The following TTK variants were observed in gnomAD, a reference collection of about 807,000 sequenced individuals.
TTK encodes the protein TTK protein kinase, also known as dual specificity protein kinase TTK.
A neutral mutation model predicts 117.3 loss-of-function variants in TTK; 59 were observed. That is an observed-to-expected ratio of 0.50 (90% confidence interval 0.41 to 0.62). The LOEUF (loss-of-function observed/expected upper bound fraction) is 0.62. TTK is among the 20% of genes least tolerant of loss of function. TTK has a pLI of 0.00. For missense variants in TTK, 921 were observed against 989.4 expected (o/e 0.93, Z 0.93); for synonymous variants, 302 against 325.0 (o/e 0.93, Z 0.76).
chr6:80,042,178 T>TC lies in TTK; in HGVS notation c.2550_2551insC (p.Glu851ArgfsTer14), dbSNP rs1326541232. 6.2e-7 allele frequency: 1 copy of TC among 1,601,002 alleles called. No individual in the cohort carries two copies. The highest frequency in any genetic ancestry group is 8.5e-7 in the Non-Finnish European group (1 of 1,172,466). ...ATAATTCTTCATCCTCCAAGACTTT[T>TC]GAAAAAAAAAGGGGAAAAAAATGAT... On this transcript the variant is annotated frameshift_variant, in exon 22 of 22. Coordinates refer to ENST00000369798, the MANE Select transcript of TTK (RefSeq NM_003318.5). LOFTEE classifies it high-confidence loss of function.
chr6:80,006,026 A>G, intron 2 of TTK, 44 bp downstream of exon 2: 1 of 1,583,662 alleles, frequency 6.3e-7, no homozygotes, highest in Non-Finnish European at 8.6e-7. Context: ...TTTGTTGGGT[A>G]TCCTCTAAGG....
intron 16 of TTK, among the ~76,000 whole-genome samples, 174 bp from the exon 17 acceptor site, chr6:80,036,301 C>T (rs527327651): frequency 6.6e-6 from 1 of 152,172 alleles, no homozygotes; most frequent in Non-Finnish European, 1.5e-5. Context: ...GAACTTAGAA[C>T]AGTGCCTGGC....
intron 2 of TTK, chr6:80,006,319 C>T (rs1766993770): frequency 7.2e-6 from 2 of 276,182 alleles, no homozygotes; most frequent in African/African-American, 4.5e-5. Context: ...GAATGGTGAC[C>T]TTTGGATAAT....
At chr6:80,015,256 A>G (rs542169917) in intron 10 of TTK, among the ~76,000 whole-genome samples, 2 of 152,332 alleles carry the variant, frequency 1.3e-5, no homozygotes, top group African/African-American at 4.8e-5. Context: ...TTCAGGAACA[A>G]GAGACTGTCT....
intron 21 of TTK, among the ~76,000 whole-genome samples, chr6:80,041,748 A>C (rs1373528063): frequency 6.6e-6 from 1 of 151,084 alleles, no homozygotes; most frequent in Non-Finnish European, 1.5e-5. Flanking sequence ...TTATTAGCTT[A>C]TTATCATCTG....
In TTK at chr6:80,035,428, G is replaced by A. The variant is rs749228765; in HGVS notation, c.1924+11G>A. On this transcript the variant is annotated intron_variant, in intron 16 of 21. Coordinates refer to ENST00000369798, the MANE Select transcript of TTK (RefSeq NM_003318.5). The stretch of plus-strand genomic sequence containing the variant: ...CAATCCATCAACATGGTATTTAACA[G>A]TTTTTTTATATTTGTAAGGTTAAAA... 3 of 1,585,256 alleles carry A rather than the reference G, an allele frequency of 1.9e-6. No homozygotes were observed. The highest frequency in any genetic ancestry group is 2.6e-6 in the Non-Finnish European group (3 of 1,170,228).
intron 11 of TTK, among the ~76,000 whole-genome samples, chr6:80,024,598 C>T (rs1281866241): frequency 6.6e-6 from 1 of 152,060 alleles, no homozygotes; most frequent in East Asian, 1.9e-4. Context: ...GGGCTGGGAG[C>T]AGTGGGGAGT....
chr6:80,034,622 C>G (rs186849251), intron 14 of TTK, among the ~76,000 whole-genome samples: 3 of 152,286 alleles, frequency 2.0e-5, no homozygotes, highest in Admixed American at 2.0e-4. Context: ...ACTACTGCAC[C>G]AGGCTTGTCC....
intron 4 of TTK, 110 bp downstream of exon 4, chr6:80,008,602 A>C: frequency 1.1e-6 from 1 of 941,106 alleles, no homozygotes; most frequent in Non-Finnish European, 1.5e-6. Flanking sequence ...AAAAGACATT[A>C]AAGTTGATCA....
intron 10 of TTK, among the ~76,000 whole-genome samples, chr6:80,020,399 TA>T (rs976341879): frequency 6.6e-6 from 1 of 151,784 alleles, no homozygotes; most frequent in Non-Finnish European, 1.5e-5. Context: ...ATAAGAAAAA[TA>T]AAAAAACAAA....
intron 9 of TTK, among the ~76,000 whole-genome samples, chr6:80,014,126 C>G (rs1767240441): frequency 6.6e-6 from 1 of 152,056 alleles, no homozygotes; most frequent in South Asian, 2.1e-4. Context: ...ATCACAGTAA[C>G]AAAATACTTA....
At chr6:80,033,488 A>C (rs76443375) in intron 14 of TTK, among the ~76,000 whole-genome samples, 2,143 of 152,246 alleles carry the variant, frequency 0.014, 60 homozygotes, top group African/African-American at 0.049. Context: ...TGTGAGCTCC[A>C]TGAAGATAGG....
At chr6:80,034,825 T>C (rs1189212348) in intron 14 of TTK, among the ~76,000 whole-genome samples, 160 bp from the exon 15 acceptor site, 3 of 152,164 alleles carry the variant, frequency 2.0e-5, no homozygotes, top group African/African-American at 7.2e-5. Context: ...TCAGAATTAT[T>C]TTTCTTCCTT....
intron 10 of TTK, among the ~76,000 whole-genome samples, chr6:80,016,148 C>T (rs1392639187): frequency 6.6e-6 from 1 of 152,086 alleles, no homozygotes; most frequent in African/African-American, 2.4e-5. Flanking sequence ...ACATGGATAA[C>T]AGTTTTTTGT....
intron 12 of TTK, 34 bp downstream of exon 12, chr6:80,026,548 G>A (rs1422254578): frequency 6.2e-7 from 1 of 1,610,770 alleles, no homozygotes; most frequent in Admixed American, 1.7e-5. Context: ...GATTGGCAGG[G>A]TGGTATGATA....
At chr6:80,005,816 TTATGA>T in intron 1 of TTK, 21 bp from the exon 2 acceptor site, 1 of 1,609,184 alleles carries the variant, frequency 6.2e-7, no homozygotes, top group Non-Finnish European at 8.5e-7. Context: ...AAAGTAGGAG[TTATGA>T]CTGTTCAGTT....
At chr6:80,033,163 A>G (rs61796) in intron 14 of TTK, among the ~76,000 whole-genome samples, 94,027 of 152,100 alleles carry the variant, frequency 0.62, 29,523 homozygotes, top group Admixed American at 0.73. Flanking sequence ...TGTCAAAGGT[A>G]GTATGAGCTC....
Position 80,022,370 on chromosome 6 carries a change from A to G in TTK, c.1155A>G (p.Lys385=). The G allele has an allele frequency of 6.2e-7, 1 of 1,614,026 alleles. No individual in the cohort carries two copies. Among genetic ancestry groups the G allele is most frequent in the Non-Finnish European group, 8.5e-7 (1 of 1,179,980 alleles). Residue 385 remains lysine (K), a synonymous_variant, in exon 11 of 22, where the codon AAA becomes AAG. Coordinates refer to ENST00000369798, the MANE Select transcript of TTK (RefSeq NM_003318.5). ...QEPEVPESNQ[K]QWQSKRKSEC... is the part of the protein sequence containing the mutation. Reference sequence around the variant, plus strand: ...CAGAGGTTCCAGAGAGTAACCAGAAACAGTGGCAATCTAAGAGAAAGTCAG... The same window carrying G: ...CAGAGGTTCCAGAGAGTAACCAGAAGCAGTGGCAATCTAAGAGAAAGTCAG...
intron 13 of TTK, among the ~76,000 whole-genome samples, chr6:80,028,780 T>A (rs1582106291): frequency 2.0e-5 from 3 of 152,290 alleles, no homozygotes; most frequent in Admixed American, 2.0e-4. Context: ...GAGGAAAGAT[T>A]TTTTGCTGAT....
Sources: gnomAD v4.1 joint callset for allele counts (sites outside exome capture counted in the v4.1 genomes callset) on GRCh38, gnomAD v4.1.1 for gene constraint, MANE v1.5 for transcripts, NCBI Gene and HGNC (gene_info 2026-07-23, HGNC 2026-07-21) for gene names.